Variants in RABGEF1 observed in about 807,000 individuals in gnomAD.
RABGEF1 encodes the protein rab5 GDP/GTP exchange factor.
Under a neutral mutation model 57.3 loss-of-function variants are expected in RABGEF1, and 26 were observed. The ratio of observed to expected loss-of-function variants is 0.45; its 90% CI spans 0.33 to 0.63. The LOEUF (loss-of-function observed/expected upper bound fraction) is 0.63. Ranked by LOEUF, RABGEF1 falls within the 20% of genes least tolerant of loss-of-function variation. The probability of loss-of-function intolerance (pLI) is 0.02; values close to 1 mark genes in which losing one functional copy is unlikely to be tolerated. For missense variants in RABGEF1, 464 were observed against 607.6 expected (o/e 0.76, Z 2.48); for synonymous variants, 185 against 210.7 (o/e 0.88, Z 1.06).
intron 1 of RABGEF1, among the ~76,000 whole-genome samples, chr7:66,702,625 A>C (rs1257488548): frequency 3.9e-5 from 6 of 152,050 alleles, no homozygotes; most frequent in African/African-American, 9.7e-5. Flanking sequence ...ATTTCTCCAG[A>C]CCCTCAACAA....
chr7:66,736,526 G>GGCTTGA (rs1797961614), upstream of RABGEF1, among the ~76,000 whole-genome samples: 1 of 152,170 alleles, frequency 6.6e-6, no homozygotes, highest in Non-Finnish European at 1.5e-5. Flanking sequence ...GGACACTGAA[G>GGCTTGA]GCTTGAGCTC....
chr7:66,698,238 A>G (rs763286429), intron 1 of RABGEF1, among the ~76,000 whole-genome samples: 23 of 152,202 alleles, frequency 1.5e-4, no homozygotes, highest in Admixed American at 4.6e-4. Context: ...TCACCAGTGC[A>G]TGCACAGCAA....
At chr7:66,782,772 C>T (rs1432133687) in intron 3 of RABGEF1, among the ~76,000 whole-genome samples, 1 of 151,382 alleles carries the variant, frequency 6.6e-6, no homozygotes. Flanking sequence ...GGCGACAGAG[C>T]AAGACTTCGT....
At chr7:66,797,546 C>G (rs1409981317) in intron 6 of RABGEF1, 40 bp downstream of exon 6, 2 of 1,588,622 alleles carry the variant, frequency 1.3e-6, no homozygotes, top group Non-Finnish European at 1.7e-6. Context: ...TTACTACCTT[C>G]TAATGGAAGA....
At chr7:66,709,318 G>A (rs1794514844) in intron 1 of RABGEF1, among the ~76,000 whole-genome samples, 1 of 152,034 alleles carries the variant, frequency 6.6e-6, no homozygotes, top group Non-Finnish European at 1.5e-5. Flanking sequence ...ATTTTAAAAT[G>A]CATCTGTAAT....
chr7:66,670,894 T>TATACAC, the RABGEF1 span, among the ~76,000 whole-genome samples: 204 of 145,672 alleles, frequency 1.4e-3, 3 homozygotes, highest in East Asian at 0.018. Flanking sequence ...CACATACGTA[T>TATACAC]ACACACACAC....
the RABGEF1 span, among the ~76,000 whole-genome samples, chr7:66,674,951 CTATA>C: frequency 1.6e-4 from 24 of 148,946 alleles, no homozygotes; most frequent in South Asian, 2.3e-3. Context: ...AATTATAAAA[CTATA>C]TATATATATA....
intron 2 of RABGEF1, among the ~76,000 whole-genome samples, chr7:66,772,574 G>T (rs1178887421): frequency 6.6e-6 from 1 of 152,028 alleles, no homozygotes; most frequent in African/African-American, 2.4e-5. Flanking sequence ...TTAAAAATTA[G>T]GTTAGCATTT....
intron 2 of RABGEF1, among the ~76,000 whole-genome samples, chr7:66,716,848 G>T (rs1009581593): frequency 1.3e-5 from 2 of 152,074 alleles, no homozygotes; most frequent in African/African-American, 4.8e-5. Context: ...GTGCAATCTC[G>T]GTTCACCACA....
intron 2 of RABGEF1, among the ~76,000 whole-genome samples, chr7:66,734,556 A>T (rs1242877323): frequency 6.6e-6 from 1 of 151,236 alleles, no homozygotes; most frequent in Non-Finnish European, 1.5e-5. Context: ...TTGGCCTCCC[A>T]AAGTGCTGAG....
chr7:66,705,079 T>G (rs553155804), intron 1 of RABGEF1, among the ~76,000 whole-genome samples: 154 of 152,054 alleles, frequency 1.0e-3, no homozygotes, highest in African/African-American at 3.5e-3. Flanking sequence ...TCACTTCAAA[T>G]TCTATTTGTT....
chr7:66,809,914 G>C lies in RABGEF1; in HGVS notation c.*630G>C, dbSNP rs904992962. On this transcript the variant is annotated 3_prime_UTR_variant, in exon 9 of 9. Transcript: ENST00000284957. ...AGATGTGCACTCCATCTTTAAGAAC[G>C]TGTTAGCCTTAACTTTGAGGTTCTA... The C allele has an allele frequency of 6.6e-6, 1 of 152,656 alleles. No individual in the cohort carries two copies. Among genetic ancestry groups the C allele is most frequent in the Non-Finnish European group, 1.5e-5 (1 of 68,068 alleles). 9.5% of individuals were successfully genotyped at this position (152,656 alleles called of 1,614,324 possible).
intron 4 of RABGEF1, among the ~76,000 whole-genome samples, chr7:66,785,643 G>C (rs1018428175): frequency 6.6e-6 from 1 of 152,182 alleles, no homozygotes; most frequent in Non-Finnish European, 1.5e-5. Flanking sequence ...GGGAGGCCGA[G>C]GCAGGCGGAT....
chr7:66,712,801 T>G (rs532731974), intron 2 of RABGEF1, among the ~76,000 whole-genome samples: 22 of 151,644 alleles, frequency 1.5e-4, no homozygotes, highest in African/African-American at 5.3e-4. Context: ...GAGATTTTTC[T>G]TTTTCTTTTT....
At chr7:66,696,631 G>C (rs1199661359) in intron 1 of RABGEF1, among the ~76,000 whole-genome samples, 1 of 151,068 alleles carries the variant, frequency 6.6e-6, no homozygotes, top group Non-Finnish European at 1.5e-5. Flanking sequence ...TGGAGGTTGC[G>C]GTGAGTCCAG....
At chr7:66,739,618 C>T (rs1798492163), upstream of RABGEF1, among the ~76,000 whole-genome samples, 3 of 134,284 alleles carry the variant, frequency 2.2e-5, no homozygotes, top group Non-Finnish European at 4.6e-5. Flanking sequence ...GCCGAGATCG[C>T]ACGACTGAAC....
At chr7:66,799,790 T>G (rs1434873486) in intron 7 of RABGEF1, among the ~76,000 whole-genome samples, 9 of 152,222 alleles carry the variant, frequency 5.9e-5, no homozygotes, top group Non-Finnish European at 1.0e-4. Context: ...TAATTTTGGA[T>G]AGAGGAAGGG....
At chr7:66,730,759 T>C (rs1206083350) in intron 2 of RABGEF1, among the ~76,000 whole-genome samples, 2 of 152,124 alleles carry the variant, frequency 1.3e-5, no homozygotes, top group Admixed American at 6.5e-5. Flanking sequence ...GATTTCACCA[T>C]GTTGGCCAGG....
chr7:66,660,241 A>G, the RABGEF1 span, among the ~76,000 whole-genome samples: 2 of 151,974 alleles, frequency 1.3e-5, no homozygotes, highest in Admixed American at 1.3e-4. Context: ...CTAGCTACTC[A>G]GGAGGCTGAG....
Sources: gnomAD v4.1 joint callset for allele counts (sites outside exome capture counted in the v4.1 genomes callset) on GRCh38, gnomAD v4.1.1 for gene constraint, MANE v1.5 for transcripts, NCBI Gene and HGNC (gene_info 2026-07-23, HGNC 2026-07-21) for gene names.